Variants in CDH13 observed in about 807,000 individuals in gnomAD.
CDH13 encodes cadherin-13.
A neutral mutation model predicts 63.8 loss-of-function variants in CDH13; 24 were observed. The observed-to-expected ratio is 0.38, with a 90% CI of 0.27 to 0.53. CDH13 has a LOEUF of 0.53. Ranked by LOEUF, CDH13 falls within the 20% of genes least tolerant of loss-of-function variation. The pLI is 0.85. For missense variants in CDH13, 1,049 were observed against 903.1 expected, an observed-to-expected ratio of 1.16 and a Z score of -2.07; for synonymous variants, 503 against 355.3, an observed-to-expected ratio of 1.42 and a Z score of -4.67.
intron 7 of CDH13, among the ~76,000 whole-genome samples, chr16:83,556,826 C>T (rs1369111179): frequency 1.3e-5 from 2 of 152,250 alleles, no homozygotes; most frequent in African/African-American, 4.8e-5. Context: ...ACAGTCTCAG[C>T]TGATGCCAGG....
chr16:83,460,127 G>C (rs1023823936), intron 6 of CDH13, among the ~76,000 whole-genome samples: 1 of 152,136 alleles, frequency 6.6e-6, no homozygotes, highest in Non-Finnish European at 1.5e-5. Flanking sequence ...TAAGAAAAAT[G>C]ACTAATGTAT....
chr16:83,097,611 G>T (rs1190446419), intron 3 of CDH13, among the ~76,000 whole-genome samples: 1 of 152,172 alleles, frequency 6.6e-6, no homozygotes, highest in Admixed American at 6.5e-5. Flanking sequence ...CAGCTTGCCT[G>T]ACTGGGATAG....
intron 1 of CDH13, among the ~76,000 whole-genome samples, chr16:82,742,030 T>G (rs2033954976): frequency 6.6e-6 from 1 of 152,180 alleles, no homozygotes; most frequent in Non-Finnish European, 1.5e-5. Context: ...CACTCTAAAT[T>G]TCTTACAATA....
In CDH13 at chr16:83,574,716, G is replaced by A. The variant is rs115217017; in HGVS notation, c.961-27738G>A. Among the ~76,000 whole-genome samples the A allele has an allele frequency of 5.0e-3, 766 of 152,116 alleles. 9 individuals carry two copies. The highest frequency in any genetic ancestry group is 0.018 in the African/African-American group (728 of 41,468). ...CTTCAGTGGTAGCTTCGCGAATCAC[G>A]ACCAAGTCATACCAGGCCCTGTTAA... is the stretch of plus-strand genomic sequence containing the variant. On this transcript the variant is annotated intron_variant, in intron 7 of 13. Transcript: ENST00000567109.
intron 7 of CDH13, among the ~76,000 whole-genome samples, chr16:83,594,050 A>G (rs888027110): frequency 1.3e-5 from 2 of 152,206 alleles, no homozygotes; most frequent in Non-Finnish European, 2.9e-5. Flanking sequence ...ACAGAGCTAC[A>G]AGCAATGTGT....
At chr16:82,815,945 A>G (rs904131503) in intron 1 of CDH13, among the ~76,000 whole-genome samples, 1 of 152,238 alleles carries the variant, frequency 6.6e-6, no homozygotes, top group African/African-American at 2.4e-5. Flanking sequence ...TAGGACTGAT[A>G]AAATACATAA....
intron 6 of CDH13, among the ~76,000 whole-genome samples, chr16:83,408,377 G>C (rs1270855755): frequency 6.6e-6 from 1 of 152,228 alleles, no homozygotes; most frequent in East Asian, 1.9e-4. Context: ...ACATCATATA[G>C]TGCACTTACG....
intron 1 of CDH13, among the ~76,000 whole-genome samples, chr16:82,633,441 G>A (rs758549638): frequency 1.1e-4 from 16 of 152,272 alleles, no homozygotes; most frequent in Admixed American, 2.6e-4. Flanking sequence ...GTGCGGTGGC[G>A]CGATGTCGGC....
chr16:83,099,649 C>T (rs527967650), intron 3 of CDH13, among the ~76,000 whole-genome samples: 5 of 98,090 alleles, frequency 5.1e-5, no homozygotes, highest in Non-Finnish European at 9.1e-5. Flanking sequence ...TAATCCTTAA[C>T]ATAACAGCCC....
intron 5 of CDH13, among the ~76,000 whole-genome samples, chr16:83,232,800 T>C (rs2040042001): frequency 6.6e-6 from 1 of 152,162 alleles, no homozygotes; most frequent in African/African-American, 2.4e-5. Flanking sequence ...AAGAACAACC[T>C]AACACAAACC....
chr16:83,117,876 C>A (rs998154146), intron 3 of CDH13, among the ~76,000 whole-genome samples: 1 of 151,986 alleles, frequency 6.6e-6, no homozygotes, highest in Non-Finnish European at 1.5e-5. Flanking sequence ...TTCCAGACAG[C>A]GTGATACTTG....
At chr16:83,131,351 G>A (rs1162231086) in intron 4 of CDH13, among the ~76,000 whole-genome samples, 23 of 152,274 alleles carry the variant, frequency 1.5e-4, no homozygotes, top group African/African-American at 4.1e-4. Flanking sequence ...ACACCCAGTC[G>A]TGAACATACT....
rs539644392 is a variant in CDH13 at position 82,785,106 on chromosome 16, G to A, written c.46-73256G>A. Among the ~76,000 whole-genome samples the A allele has an allele frequency of 7.9e-5, 12 of 152,316 alleles. No individual in the cohort carries two copies. In the East Asian group the frequency reaches 2.1e-3, roughly 27 times the overall value. On this transcript the variant is annotated intron_variant, in intron 1 of 13. Coordinates refer to ENST00000567109, the MANE Select transcript of CDH13 (RefSeq NM_001257.5). ...TCTGCCTGATGAAGTCTGAAGGAGG[G>A]AGGGTACTGCAGTCTTTCAGGGGAG...
intron 4 of CDH13, among the ~76,000 whole-genome samples, chr16:83,176,380 G>C (rs1043885409): frequency 4.0e-5 from 6 of 151,590 alleles, no homozygotes; most frequent in African/African-American, 1.5e-4. Flanking sequence ...CGTGGTGGCA[G>C]GTGCCTGTAA....
Position 83,113,748 on chromosome 16 carries a change from C to T in CDH13, c.367-11637C>T, listed in dbSNP as rs866541056. On this transcript the variant is annotated intron_variant, in intron 3 of 13. Transcript: ENST00000567109. ...TTAACCAGGCACAAGAGGGGAGGGACGGGAAGGGAAGTCACAAGGTGAGAA... is the reference window on the plus strand; with the variant it reads ...TTAACCAGGCACAAGAGGGGAGGGATGGGAAGGGAAGTCACAAGGTGAGAA... 4.6e-5 allele frequency among the ~76,000 whole-genome samples: 7 copies of T among 152,056 alleles called. No individual in the cohort carries two copies. The South Asian group carries it at 1.0e-3, about 23-fold the overall frequency.
intron 4 of CDH13, among the ~76,000 whole-genome samples, chr16:83,172,955 C>A (rs560684531): frequency 3.4e-4 from 52 of 152,246 alleles, no homozygotes; most frequent in African/African-American, 1.2e-3. Context: ...AGCCAACACT[C>A]TCCCCACCCC....
intron 7 of CDH13, among the ~76,000 whole-genome samples, chr16:83,598,105 C>T (rs1446397809): frequency 2.6e-5 from 4 of 152,170 alleles, no homozygotes; most frequent in African/African-American, 9.7e-5. Flanking sequence ...GTGGCTCATG[C>T]CTATAATCAC....
chr16:82,746,728 C>G (rs2034193667), intron 1 of CDH13, among the ~76,000 whole-genome samples: 1 of 151,860 alleles, frequency 6.6e-6, no homozygotes, highest in South Asian at 2.1e-4. Context: ...AATTCCCAAA[C>G]TGATTTCTTA....
chr16:83,234,981 G>C (rs1004356737), intron 5 of CDH13, among the ~76,000 whole-genome samples: 5 of 152,162 alleles, frequency 3.3e-5, no homozygotes, highest in South Asian at 2.1e-4. Context: ...AGGATTGCTT[G>C]AGGCCAGGAG....
Sources: gnomAD v4.1 joint callset for allele counts (sites outside exome capture counted in the v4.1 genomes callset) on GRCh38, gnomAD v4.1.1 for gene constraint, MANE v1.5 for transcripts, NCBI Gene and HGNC (gene_info 2026-07-23, HGNC 2026-07-21) for gene names.